The following PCDHGA10 variants were observed in gnomAD, a reference collection of about 807,000 sequenced individuals.
PCDHGA10 encodes protocadherin gamma-A10.
Under a neutral mutation model 59.5 loss-of-function variants are expected in PCDHGA10, and 42 were observed. The ratio of observed to expected loss-of-function variants is 0.71; its 90% CI spans 0.55 to 0.91. The LOEUF (loss-of-function observed/expected upper bound fraction) is 0.91, where lower values mean the gene tolerates loss of function less well. Among genes scored for constraint, PCDHGA10 ranks in the 40% least tolerant of loss-of-function variants. PCDHGA10 has a pLI of 0.00. For missense variants in PCDHGA10, 1,111 were observed against 1,198.2 expected (o/e 0.93, Z 1.07); for synonymous variants, 511 against 517.2 (o/e 0.99, Z 0.16).
chr5:141,430,578 C>A (rs1561846151), intron 1 of PCDHGA10: 8 of 470,816 alleles, frequency 1.7e-5, no homozygotes, highest in East Asian at 1.0e-4. Flanking sequence ...AGCGGAGATC[C>A]TGCTCGCCTT....
At chr5:141,419,729 G>A in intron 1 of PCDHGA10, 1 of 1,613,758 alleles carries the variant, frequency 6.2e-7, no homozygotes, top group Non-Finnish European at 8.5e-7. Context: ...GCTGCGAACA[G>A]GCGAGGTGCG....
At chr5:141,483,186 A>G (rs2099578047) in intron 1 of PCDHGA10, among the ~76,000 whole-genome samples, 1 of 152,174 alleles carries the variant, frequency 6.6e-6, no homozygotes, top group Non-Finnish European at 1.5e-5. Flanking sequence ...CAAGCCAAGG[A>G]GTTTTTATTT....
Position 141,505,441 on chromosome 5 carries a change from C to A in PCDHGA10, c.2544C>A (p.Asp848Glu), listed in dbSNP as rs2099846055. 6.2e-7 allele frequency: 1 copy of A among 1,614,084 alleles called. No individual in the cohort carries two copies. Among genetic ancestry groups the A allele is most frequent in the Non-Finnish European group, 8.5e-7 (1 of 1,180,024 alleles). Reference sequence around the variant, plus strand: ...GCACCTGGCCCAACAACCAGTTTGACACAGAGATGCTGCAAGCCATGATCT... The same window carrying A: ...GCACCTGGCCCAACAACCAGTTTGAAACAGAGATGCTGCAAGCCATGATCT... ...DTGTWPNNQFDTEMLQAMILA... is the reference protein window; with the variant it reads ...DTGTWPNNQFETEMLQAMILA... Residue 848 changes from aspartate to glutamate, a missense_variant, in exon 3 of 4, where the codon GAC becomes GAA. Transcript: ENST00000398610.
Position 141,415,216 on chromosome 5 carries a change from A to C in PCDHGA10, c.2041A>C (p.Ser681Arg). 6.2e-7 allele frequency: 1 copy of C among 1,614,086 alleles called. No homozygotes were observed. Among genetic ancestry groups the C allele is most frequent in the African/African-American group, 1.3e-5 (1 of 75,056 alleles). The change falls in exon 1 of 4, where the codon AGC (serine) becomes CGC (arginine). Residue 681 changes from serine (S) to arginine (R), a missense_variant. Physicochemically the swap from Ser to Arg is moderately radical, Grantham distance 110. Coordinates refer to ENST00000398610, the MANE Select transcript of PCDHGA10 (RefSeq NM_018913.3). ...SIPQVLADLG[S>R]FESPANSETS... ...CCCCCAAGTCCTGGCGGACCTCGGCAGCTTCGAGTCTCCAGCTAACTCTGA... is the reference window on the plus strand; with the variant it reads ...CCCCCAAGTCCTGGCGGACCTCGGCCGCTTCGAGTCTCCAGCTAACTCTGA...
At chr5:141,497,245 G>T (rs779763574) in intron 2 of PCDHGA10, among the ~76,000 whole-genome samples, 2 of 152,138 alleles carry the variant, frequency 1.3e-5, no homozygotes, top group Non-Finnish European at 2.9e-5. Flanking sequence ...TCTAGGAGGA[G>T]GTGACATTGA....
rs758099753 is a variant in PCDHGA10, at chr5:141,432,129, A to G, written c.2436+16518A>G. The G allele has an allele frequency of 5.6e-6, 9 of 1,614,054 alleles. No homozygotes were observed. The highest frequency in any genetic ancestry group is 5.5e-5 in the South Asian group (5 of 91,056). On this transcript the variant is annotated intron_variant, in intron 1 of 3. Transcript: ENST00000398610. The surrounding 1 kb of genome is among the most constrained non-coding windows in gnomAD (Gnocchi z 6.0). Reference sequence around the variant, plus strand: ...CCGCCGGTCTTCCCTCAGGCCTCCTATTCCGCTTATATCCCAGAGAACAAT... The same window carrying G: ...CCGCCGGTCTTCCCTCAGGCCTCCTGTTCCGCTTATATCCCAGAGAACAAT...
At chr5:141,444,329 G>A (rs536314842) in intron 1 of PCDHGA10, among the ~76,000 whole-genome samples, 17 of 151,674 alleles carry the variant, frequency 1.1e-4, no homozygotes, top group Admixed American at 1.1e-3. Flanking sequence ...GTGCCACCAC[G>A]CCCAGCTAAT....
chr5:141,465,759 A>G (rs2099108647), intron 1 of PCDHGA10, among the ~76,000 whole-genome samples: 2 of 151,280 alleles, frequency 1.3e-5, no homozygotes, highest in South Asian at 4.2e-4. Context: ...TGGTAAAGTC[A>G]TGTTTCATCT....
chr5:141,423,513 G>C, intron 1 of PCDHGA10: 3 of 1,613,750 alleles, frequency 1.9e-6, no homozygotes, highest in Non-Finnish European at 1.7e-6. Flanking sequence ...CTCTCATTGC[G>C]GACTCGCAGA....
At chr5:141,445,020 C>T (rs2098454249) in intron 1 of PCDHGA10, among the ~76,000 whole-genome samples, 1 of 152,130 alleles carries the variant, frequency 6.6e-6, no homozygotes, top group Non-Finnish European at 1.5e-5. Flanking sequence ...TTTAATTTCT[C>T]TCAGCTATGT....
chr5:141,492,122 C>G (rs2154587050), intron 1 of PCDHGA10, among the ~76,000 whole-genome samples: 1 of 152,328 alleles, frequency 6.6e-6, no homozygotes, highest in Admixed American at 6.5e-5. Context: ...GATTTCTCCC[C>G]AGCTCCCAGC....
At chr5:141,419,939 G>T in intron 1 of PCDHGA10, 1 of 1,614,054 alleles carries the variant, frequency 6.2e-7, no homozygotes. Flanking sequence ...TTACCTGGTG[G>T]TGGCCTTGGC....
chr5:141,430,258 A>T (rs542653323), intron 1 of PCDHGA10, among the ~76,000 whole-genome samples: 1 of 147,968 alleles, frequency 6.8e-6, no homozygotes, highest in Non-Finnish European at 1.5e-5. Flanking sequence ...AGACATCTCC[A>T]TAATAGGTGT....
intron 2 of PCDHGA10, among the ~76,000 whole-genome samples, chr5:141,504,870 AG>A (rs1453764331): frequency 6.6e-6 from 1 of 151,996 alleles, no homozygotes; most frequent in Non-Finnish European, 1.5e-5. Context: ...CCACCTTCAC[AG>A]TCCTCTGGAG....
At chr5:141,492,195 CTT>C (rs1240529719) in intron 1 of PCDHGA10, among the ~76,000 whole-genome samples, 1 of 152,242 alleles carries the variant, frequency 6.6e-6, no homozygotes, top group Non-Finnish European at 1.5e-5. Context: ...GTCTGCGGGA[CTT>C]AGGTGTGCGC....
rs961891623 is a variant in PCDHGA10 at position 141,487,938 on chromosome 5, GC to G, written c.2437-6868del. The G allele has an allele frequency of 2.8e-5, 17 of 600,188 alleles. No homozygotes were observed. The highest frequency in any genetic ancestry group is 4.7e-5 in the Non-Finnish European group (16 of 342,978). 37.2% of individuals were successfully genotyped at this position (600,188 alleles called of 1,614,324 possible). ...GAGGCTACAGTGCACAGGGTACAGTGCACCAGGCAGTCACTTGGACAAAGGT... is the reference window on the plus strand; with the variant it reads ...GAGGCTACAGTGCACAGGGTACAGTGACCAGGCAGTCACTTGGACAAAGGT... On this transcript the variant is annotated intron_variant, in intron 1 of 3. Coordinates refer to ENST00000398610, the MANE Select transcript of PCDHGA10 (RefSeq NM_018913.3). The surrounding 1 kb of genome is among the most constrained non-coding windows in gnomAD (Gnocchi z 5.0).
rs1363008017 is a variant in PCDHGA10, at chr5:141,413,215, T to A, written c.40T>A (p.Cys14Ser). ...GAATCGCTCAAAGGAATCAAAGGATTGCAGCGGGCTGGTCCTGCTCTGCCT... is the reference window on the plus strand; with the variant it reads ...GAATCGCTCAAAGGAATCAAAGGATAGCAGCGGGCTGGTCCTGCTCTGCCT... ...QRNRSKESKD[C>S]SGLVLLCLFF... Residue 14 changes from cysteine (C) to serine (S), a missense_variant, in exon 1 of 4, where the codon TGC becomes AGC. By Grantham distance (112) the Cys-to-Ser change is moderately radical. Coordinates refer to ENST00000398610, the MANE Select transcript of PCDHGA10 (RefSeq NM_018913.3). 6 of 1,613,232 alleles carry A rather than the reference T, an allele frequency of 3.7e-6. No individual in the cohort carries two copies. The African/African-American group carries it at 8.0e-5, about 22-fold the overall frequency.
Position 141,491,402 on chromosome 5 carries a change from C to T in PCDHGA10, c.2437-3405C>T. 1 of 1,614,156 alleles carries T rather than the reference C, an allele frequency of 6.2e-7. No individual in the cohort carries two copies. Among genetic ancestry groups the T allele is most frequent in the Non-Finnish European group, 8.5e-7 (1 of 1,180,022 alleles). ...TCAGCGAAGTGCCTTCAGGGAAACG[C>T]AGACGGGGACGGGGGTGGAGGGCAG... On this transcript the variant is annotated intron_variant, in intron 1 of 3. Transcript: ENST00000398610. The surrounding 1 kb of genome is among the most constrained non-coding windows in gnomAD (Gnocchi z 6.9).
chr5:141,418,751 A>G (rs2096284782), intron 1 of PCDHGA10: 2 of 1,613,840 alleles, frequency 1.2e-6, no homozygotes, highest in African/African-American at 2.7e-5. Context: ...GGATTACACT[A>G]CAGGAAACAT....
Sources: allele counts gnomAD v4.1 joint callset (sites outside exome capture counted in the v4.1 genomes callset), GRCh38; gene constraint gnomAD v4.1.1; non-coding constraint Gnocchi (gnomAD v3.1); transcripts MANE v1.5; gene names NCBI Gene and HGNC (gene_info 2026-07-23, HGNC 2026-07-21).